Variants in OSBPL10 observed in about 807,000 individuals in gnomAD.
OSBPL10 encodes the protein oxysterol binding protein like 10.
Under a neutral mutation model 81.7 loss-of-function variants are expected in OSBPL10, and 49 were observed. The observed-to-expected ratio is 0.60, with a 90% confidence interval of 0.48 to 0.76. The LOEUF (loss-of-function observed/expected upper bound fraction) is 0.76, where lower values mean the gene tolerates loss of function less well. Among genes scored for constraint, OSBPL10 ranks in the 30% least tolerant of loss-of-function variants. The pLI is 0.00. For missense variants in OSBPL10, 923 were observed against 987.8 expected (o/e 0.93, Z 0.88); for synonymous variants, 419 against 383.6 (o/e 1.09, Z -1.08).
intron 1 of OSBPL10, among the ~76,000 whole-genome samples, chr3:31,943,967 CAAAAAAAAAAA>C (rs55770286): frequency 3.2e-4 from 12 of 37,782 alleles, no homozygotes; most frequent in African/African-American, 1.1e-3. Context: ...GACTCCGTCT[CAAAAAAAAAAA>C]AAAAAAAAAA....
chr3:31,968,997 A>C (rs1447309958), intron 1 of OSBPL10, among the ~76,000 whole-genome samples: 1 of 152,178 alleles, frequency 6.6e-6, no homozygotes, highest in Admixed American at 6.5e-5. Context: ...TGTTCTGTTA[A>C]ACTTTTTAGA....
chr3:31,881,914 G>A (rs1695591624), intron 1 of OSBPL10, among the ~76,000 whole-genome samples: 1 of 152,172 alleles, frequency 6.6e-6, no homozygotes, highest in African/African-American at 2.4e-5. Flanking sequence ...TAAAATCCAA[G>A]TTCAACTCTT....
At chr3:31,697,694 C>A (rs1428631280) in intron 7 of OSBPL10, among the ~76,000 whole-genome samples, 2 of 152,144 alleles carry the variant, frequency 1.3e-5, no homozygotes, top group Non-Finnish European at 1.5e-5. Context: ...GCAGTATCTT[C>A]GATGCACATC....
At chr3:31,851,670 G>T (rs962295399) in intron 3 of OSBPL10, among the ~76,000 whole-genome samples, 1 of 152,176 alleles carries the variant, frequency 6.6e-6, no homozygotes, top group African/African-American at 2.4e-5. Flanking sequence ...TAAAATTTCC[G>T]AAAGATGTGA....
intron 1 of OSBPL10, among the ~76,000 whole-genome samples, chr3:31,970,917 A>T (rs1698543157): frequency 6.6e-6 from 1 of 152,104 alleles, no homozygotes; most frequent in Non-Finnish European, 1.5e-5. Context: ...ATTTGTACTC[A>T]CAGAGCCTTC....
intron 2 of OSBPL10, among the ~76,000 whole-genome samples, chr3:32,018,116 C>A (rs1036877408): frequency 2.0e-5 from 3 of 150,836 alleles, no homozygotes; most frequent in Non-Finnish European, 4.4e-5. Flanking sequence ...CCATTGCACT[C>A]CAACCTGGGC....
chr3:31,835,890 A>G (rs376619337), intron 3 of OSBPL10, among the ~76,000 whole-genome samples: 1 of 152,238 alleles, frequency 6.6e-6, no homozygotes, highest in East Asian at 1.9e-4. Context: ...GGGCCTTAAA[A>G]TTAGCTGGAA....
intron 7 of OSBPL10, among the ~76,000 whole-genome samples, chr3:31,686,289 T>C (rs1411235731): frequency 6.6e-6 from 1 of 152,158 alleles, no homozygotes; most frequent in African/African-American, 2.4e-5. Flanking sequence ...AATACAGATG[T>C]CCAGAGAGAG....
At chr3:31,733,057 C>T in intron 6 of OSBPL10, 200 bp downstream of exon 6, 1 of 651,476 alleles carries the variant, frequency 1.5e-6, no homozygotes, top group East Asian at 2.9e-5. Flanking sequence ...TCACAATTCA[C>T]CCACAGCAGC....
At position 31,670,786 on chromosome 3, in the gene OSBPL10, C is replaced by A; in HGVS notation, c.1913+11G>T. The A allele has an allele frequency of 6.2e-7, 1 of 1,608,900 alleles. No homozygotes were observed. Among genetic ancestry groups the A allele is most frequent in the Non-Finnish European group, 8.5e-7 (1 of 1,176,754 alleles). ...TAAGACAAAGCCAGAGTCTCTCCGG[C>A]CAGCTCCTACCTGTGGACTTTCCCT... On this transcript the variant is annotated intron_variant, in intron 9 of 11. Transcript: ENST00000396556.
intron 1 of OSBPL10, among the ~76,000 whole-genome samples, chr3:31,883,109 C>T (rs540093524): frequency 1.0e-3 from 157 of 152,278 alleles, no homozygotes; most frequent in Non-Finnish European, 1.9e-3. Flanking sequence ...CAAGTTAGAA[C>T]ATGAACAATC....
At chr3:31,785,125 T>TC (rs1698829265) in intron 4 of OSBPL10, among the ~76,000 whole-genome samples, 1 of 152,196 alleles carries the variant, frequency 6.6e-6, no homozygotes, top group Non-Finnish European at 1.5e-5. Context: ...CCTCAAGTGA[T>TC]CCGCCTGCCT....
At chr3:31,968,918 A>G (rs1698479315) in intron 1 of OSBPL10, among the ~76,000 whole-genome samples, 1 of 152,236 alleles carries the variant, frequency 6.6e-6, no homozygotes, top group South Asian at 2.1e-4. Flanking sequence ...AGGAATCAAT[A>G]TGAAATGCTA....
chr3:31,845,942 G>C (rs1362550730), intron 3 of OSBPL10, among the ~76,000 whole-genome samples: 1 of 152,260 alleles, frequency 6.6e-6, no homozygotes, highest in Non-Finnish European at 1.5e-5. Flanking sequence ...TGGAGAAGAT[G>C]AGACATGTGC....
chr3:31,665,013 A>T (rs751253836), intron 10 of OSBPL10, among the ~76,000 whole-genome samples: 3 of 152,160 alleles, frequency 2.0e-5, no homozygotes, highest in Non-Finnish European at 4.4e-5. Flanking sequence ...TGAAATGAGC[A>T]AAATAAAAGG....
At chr3:31,925,257 G>T (rs957735978) in intron 1 of OSBPL10, among the ~76,000 whole-genome samples, 1 of 151,886 alleles carries the variant, frequency 6.6e-6, no homozygotes, top group African/African-American at 2.4e-5. Context: ...TGGCTCCTAG[G>T]CTGTCCAGGA....
At chr3:31,684,801 G>T (rs915854515) in intron 7 of OSBPL10, among the ~76,000 whole-genome samples, 3 of 152,224 alleles carry the variant, frequency 2.0e-5, no homozygotes, top group Non-Finnish European at 2.9e-5. Context: ...GGTCCTCAAG[G>T]CTGGTCCAGG....
intron 6 of OSBPL10, among the ~76,000 whole-genome samples, chr3:31,730,266 G>A (rs934859165): frequency 2.3e-4 from 35 of 151,854 alleles, no homozygotes; most frequent in African/African-American, 8.0e-4. Context: ...GCTTGAACCC[G>A]GGAGGCGGAG....
At chr3:31,944,710 C>G (rs1697643157) in intron 1 of OSBPL10, among the ~76,000 whole-genome samples, 1 of 151,902 alleles carries the variant, frequency 6.6e-6, no homozygotes, top group South Asian at 2.1e-4. Context: ...TTCTTCCCAG[C>G]ACATCCATCA....
Sources: gnomAD v4.1 joint callset for allele counts (sites outside exome capture counted in the v4.1 genomes callset) on GRCh38, gnomAD v4.1.1 for gene constraint, MANE v1.5 for transcripts, NCBI Gene and HGNC (gene_info 2026-07-23, HGNC 2026-07-21) for gene names.